The following GPR137C variants were observed in gnomAD, a reference collection of about 807,000 sequenced individuals.
The protein encoded by GPR137C is integral membrane protein GPR137C.
GPR137C carries 27 observed loss-of-function variants against 43.4 expected under a neutral mutation model. The observed-to-expected ratio is 0.62, with a 90% confidence interval of 0.46 to 0.86. GPR137C has a LOEUF of 0.86. Among genes scored for constraint, GPR137C ranks in the 40% least tolerant of loss-of-function variants. The probability of loss-of-function intolerance (pLI) is 0.00; values close to 1 mark genes in which losing one functional copy is unlikely to be tolerated. For missense variants in GPR137C, 522 were observed against 534.6 expected (o/e 0.98, Z 0.23); for synonymous variants, 285 against 226.9 (o/e 1.26, Z -2.30).
intron 1 of GPR137C, among the ~76,000 whole-genome samples, chr14:52,555,262 T>C (rs1428552841): frequency 6.6e-6 from 1 of 152,186 alleles, no homozygotes; most frequent in Non-Finnish European, 1.5e-5. Context: ...GTAAAATAGT[T>C]GGTAGGCATT....
At chr14:52,625,053 A>C (rs1390769062) in intron 3 of GPR137C, among the ~76,000 whole-genome samples, 1 of 152,238 alleles carries the variant, frequency 6.6e-6, no homozygotes, top group Non-Finnish European at 1.5e-5. Context: ...TTTGTAATCT[A>C]AGTAGACCCA....
intron 4 of GPR137C, among the ~76,000 whole-genome samples, chr14:52,632,923 G>A (rs2039311541): frequency 6.6e-6 from 1 of 151,948 alleles, no homozygotes; most frequent in South Asian, 2.1e-4. Context: ...TATCTTTATA[G>A]TAATTTAGCT....
chr14:52,611,446 T>C (rs1466332985), intron 3 of GPR137C: 1 of 219,146 alleles, frequency 4.6e-6, no homozygotes, highest in Non-Finnish European at 7.7e-6. Context: ...TCCTTTTCTA[T>C]TTATTATACA....
intron 3 of GPR137C, among the ~76,000 whole-genome samples, chr14:52,629,285 G>A (rs1205067829): frequency 2.0e-5 from 3 of 152,034 alleles, no homozygotes; most frequent in Non-Finnish European, 4.4e-5. Context: ...ACCCAAAAGA[G>A]GTGAAAACAT....
At chr14:52,553,637 G>C in intron 1 of GPR137C, 46 bp downstream of exon 1, 1 of 1,332,584 alleles carries the variant, frequency 7.5e-7, no homozygotes, top group African/African-American at 1.5e-5. Context: ...GGTGCGCGGG[G>C]CCGCCGGGAT....
chr14:52,580,286 AC>A (rs1229315481), intron 1 of GPR137C, among the ~76,000 whole-genome samples: 1 of 152,200 alleles, frequency 6.6e-6, no homozygotes, highest in African/African-American at 2.4e-5. Flanking sequence ...TGTAAATTAA[AC>A]CATCCCAATT....
chr14:52,578,415 T>G (rs1302909052), intron 1 of GPR137C, among the ~76,000 whole-genome samples: 2 of 152,200 alleles, frequency 1.3e-5, no homozygotes, highest in Non-Finnish European at 2.9e-5. Flanking sequence ...GTCTTTTGAC[T>G]TTTTAAAATT....
At chr14:52,625,806 G>C (rs142563605) in intron 3 of GPR137C, among the ~76,000 whole-genome samples, 25 of 151,506 alleles carry the variant, frequency 1.7e-4, no homozygotes, top group African/African-American at 6.1e-4. Flanking sequence ...CACCTACCTC[G>C]GCCTCCCAAA....
At chr14:52,560,051 G>A (rs576505307) in intron 1 of GPR137C, among the ~76,000 whole-genome samples, 4 of 152,232 alleles carry the variant, frequency 2.6e-5, no homozygotes, top group African/African-American at 9.6e-5. Context: ...CAGCTACTTG[G>A]GAGGCTGAGG....
At chr14:52,578,292 G>A (rs1264644531) in intron 1 of GPR137C, among the ~76,000 whole-genome samples, 1 of 152,026 alleles carries the variant, frequency 6.6e-6, no homozygotes, top group South Asian at 2.1e-4. Flanking sequence ...TCTCTTTCTG[G>A]AGCTCTTAAT....
At chr14:52,574,391 A>G (rs1482572701) in intron 1 of GPR137C, among the ~76,000 whole-genome samples, 1 of 152,180 alleles carries the variant, frequency 6.6e-6, no homozygotes, top group East Asian at 1.9e-4. Flanking sequence ...TGCAGCCATA[A>G]AAAAGGATGA....
chr14:52,635,264 A>AC lies in GPR137C; in HGVS notation c.*149_*150insC. 1.7e-6 allele frequency: 1 copy of AC among 580,348 alleles called. No homozygotes were observed. The highest frequency in any genetic ancestry group is 2.8e-6 in the Non-Finnish European group (1 of 357,240). 35.9% of individuals were successfully genotyped at this position (580,348 alleles called of 1,614,324 possible). ...GCTGTGTTTGGTAAATAACACAGCT[A>AC]TTATTTTTGACCTCTTCATAGTAAA... On this transcript the variant is annotated 3_prime_UTR_variant, in exon 7 of 7. Transcript: ENST00000321662.
At chr14:52,613,354 A>C (rs918637830) in intron 3 of GPR137C, 2 of 152,242 alleles carry the variant, frequency 1.3e-5, no homozygotes, top group Admixed American at 6.5e-5. Flanking sequence ...TTGTGTTACA[A>C]ACAATTCAAT....
At chr14:52,562,681 T>C (rs2038304456) in intron 1 of GPR137C, among the ~76,000 whole-genome samples, 1 of 152,132 alleles carries the variant, frequency 6.6e-6, no homozygotes, top group South Asian at 2.1e-4. Context: ...AGGAAGAAAT[T>C]CCAATGGCAT....
chr14:52,630,879 T>C lies in GPR137C; in HGVS notation c.718-1281T>C, dbSNP rs1051800911. Among the ~76,000 whole-genome samples the C allele has an allele frequency of 1.8e-4, 27 of 152,300 alleles. 1 individual carries two copies. The highest frequency in any genetic ancestry group is 6.8e-3 in the Middle Eastern group (2 of 294). ...ATTAATAAATATTTCAACATGTTAC[T>C]TTTAGAGCATGATGTAATAGATGTT... is the stretch of plus-strand genomic sequence containing the variant. On this transcript the variant is annotated intron_variant, in intron 3 of 6. Transcript: ENST00000321662.
At chr14:52,579,456 G>C (rs962632128) in intron 1 of GPR137C, among the ~76,000 whole-genome samples, 1 of 152,180 alleles carries the variant, frequency 6.6e-6, no homozygotes, top group Non-Finnish European at 1.5e-5. Flanking sequence ...ATTGGTACCT[G>C]ATTCTCCTGG....
chr14:52,565,058 T>A (rs939007794), intron 1 of GPR137C, among the ~76,000 whole-genome samples: 25 of 152,186 alleles, frequency 1.6e-4, no homozygotes, highest in Non-Finnish European at 3.5e-4. Flanking sequence ...AAAGCACGTG[T>A]TTAAAGAGGA....
intron 3 of GPR137C, chr14:52,611,712 A>G: frequency 2.6e-6 from 1 of 384,924 alleles, no homozygotes; most frequent in Non-Finnish European, 3.6e-6. Flanking sequence ...GTAATAACTC[A>G]AGGTCTAGAG....
intron 1 of GPR137C, among the ~76,000 whole-genome samples, chr14:52,583,616 C>G (rs2038676493): frequency 6.6e-6 from 1 of 152,166 alleles, no homozygotes; most frequent in African/African-American, 2.4e-5. Context: ...CATCTCATGT[C>G]TTTTGTGGGA....
Sources: allele counts gnomAD v4.1 joint callset (sites outside exome capture counted in the v4.1 genomes callset), GRCh38; gene constraint gnomAD v4.1.1; transcripts MANE v1.5; gene names NCBI Gene and HGNC (gene_info 2026-07-23, HGNC 2026-07-21).